The following TOM1 variants were observed in gnomAD, a reference collection of about 807,000 sequenced individuals.
TOM1 encodes the protein target of Myb protein 1.
TOM1 carries 38 observed loss-of-function variants against 61.3 expected under a neutral mutation model. The observed-to-expected ratio is 0.62, with a 90% CI of 0.48 to 0.81. TOM1 has a LOEUF of 0.81. Among genes scored for constraint, TOM1 ranks in the 40% least tolerant of loss-of-function variants. The probability of loss-of-function intolerance (pLI) is 0.00; values close to 1 mark genes in which losing one functional copy is unlikely to be tolerated. For missense variants in TOM1, 591 were observed against 659.6 expected (o/e 0.90, Z 1.14); for synonymous variants, 270 against 268.8 (o/e 1.00, Z -0.04).
At chr22:35,319,679 C>T (rs1028919550) in intron 2 of TOM1, among the ~76,000 whole-genome samples, 1 of 152,108 alleles carries the variant, frequency 6.6e-6, no homozygotes, top group Non-Finnish European at 1.5e-5. Flanking sequence ...CTAGGCCACC[C>T]TAGAAGAGGT....
rs12160421 is a variant in TOM1 at position 35,338,304 on chromosome 22, G to C, written c.1149-409G>C. On this transcript the variant is annotated intron_variant, in intron 11 of 14. Coordinates refer to ENST00000449058, the MANE Select transcript of TOM1 (RefSeq NM_005488.3). ...GTTTATAGATGTGTTTTCAGCAGCA[G>C]AATGGAATCCCCCATTCAAATACGA... is the stretch of plus-strand genomic sequence containing the variant. Among the ~76,000 whole-genome samples the C allele has an allele frequency of 3.5e-4, 54 of 152,320 alleles. 1 individual carries two copies. The highest frequency in any genetic ancestry group is 1.2e-3 in the African/African-American group (51 of 41,582).
rs1205672626 is a variant in TOM1 at position 35,323,850 on chromosome 22, C to T, written c.584C>T (p.Ala195Val). 1.9e-6 allele frequency: 3 copies of T among 1,611,516 alleles called. No individual in the cohort carries two copies. The African/African-American group carries it at 4.0e-5, about 22-fold the overall frequency. Reference sequence around the variant, plus strand: ...CAGCAAGAGGACTCTGGCCAGCATGCTGCCCCTCTGCCCGCCCCGCCCATA... The same window carrying T: ...CAGCAAGAGGACTCTGGCCAGCATGTTGCCCCTCTGCCCGCCCCGCCCATA... ...SSQQEDSGQH[A>V]APLPAPPILS... Residue 195 changes from alanine (A) to valine (V), a missense_variant, in exon 6 of 15, where the codon GCT becomes GTT. Transcript: ENST00000449058. This position sits in a 1 kb window ranked among gnomAD's most constrained non-coding sequence, Gnocchi z 4.2.
At chr22:35,322,702 T>C (rs1397184206) in intron 3 of TOM1, 2 of 272,612 alleles carry the variant, frequency 7.3e-6, no homozygotes, top group Non-Finnish European at 1.4e-5. Context: ...AGATGCTCCT[T>C]GATTTCCTCT....
chr22:35,322,136 C>A, intron 3 of TOM1, 99 bp downstream of exon 3: 1 of 1,082,036 alleles, frequency 9.2e-7, no homozygotes, highest in South Asian at 1.3e-5. Flanking sequence ...CTGAGCTCCT[C>A]ATTTGAGAGC....
intron 12 of TOM1, 117 bp from the exon 13 acceptor site, chr22:35,345,608 G>T: frequency 1.0e-6 from 1 of 1,003,698 alleles, no homozygotes; most frequent in Non-Finnish European, 1.6e-6. Context: ...CGGGCAGCTA[G>T]GCAGCTGAGG....
intron 6 of TOM1, among the ~76,000 whole-genome samples, chr22:35,326,045 C>T (rs1416891047): frequency 1.3e-5 from 2 of 152,098 alleles, no homozygotes; most frequent in African/African-American, 4.8e-5. Context: ...TACTACTAGT[C>T]TCTACACTCC....
intron 1 of TOM1, among the ~76,000 whole-genome samples, chr22:35,308,234 G>A (rs1182983392): frequency 6.8e-6 from 1 of 147,436 alleles, no homozygotes; most frequent in Non-Finnish European, 1.5e-5. Context: ...GTGTGTGTCT[G>A]TCTCTCTCTC....
chr22:35,320,269 A>T (rs544177161), intron 2 of TOM1, among the ~76,000 whole-genome samples: 2 of 152,158 alleles, frequency 1.3e-5, no homozygotes, highest in African/African-American at 4.8e-5. Context: ...CACCTCATGG[A>T]TGTGGAGGTC....
intron 1 of TOM1, among the ~76,000 whole-genome samples, chr22:35,305,617 G>A (rs1039506188): frequency 6.6e-6 from 1 of 150,914 alleles, no homozygotes; most frequent in South Asian, 2.1e-4. Context: ...CCAAGATCAC[G>A]CCGCTGCACT....
chr22:35,322,109 A>G, intron 3 of TOM1, 72 bp downstream of exon 3: 1 of 1,393,826 alleles, frequency 7.2e-7, no homozygotes, highest in Non-Finnish European at 1.0e-6. Context: ...CAGACCCAGC[A>G]GGACTCCCAG....
In TOM1 at chr22:35,323,784, A is replaced by T; in HGVS notation, c.518A>T (p.Glu173Val). ...TCCCACTAGACCGTGTTCAACTCAG[A>T]GACACAATCAGGACAGGATTCTGTG... ...HTPQRTVFNS[E>V]TQSGQDSVGT... Residue 173 changes from glutamate (E) to valine (V), a missense_variant, in exon 6 of 15, where the codon GAG becomes GTG. Transcript: ENST00000449058. This position sits in a 1 kb window ranked among gnomAD's most constrained non-coding sequence, Gnocchi z 4.2. The T allele has an allele frequency of 1.2e-6, 2 of 1,610,044 alleles. No homozygotes were observed. The highest frequency in any genetic ancestry group is 1.7e-6 in the Non-Finnish European group (2 of 1,177,454).
At chr22:35,317,988 G>A in intron 2 of TOM1, 27 bp downstream of exon 2, 1 of 1,585,994 alleles carries the variant, frequency 6.3e-7, no homozygotes, top group Non-Finnish European at 8.7e-7. Context: ...GAGAGGTTGG[G>A]GGCAGAGACG....
Position 35,341,302 on chromosome 22 carries a change from G to A in TOM1, c.1224+2514G>A, listed in dbSNP as rs547781610. The stretch of plus-strand genomic sequence containing the variant: ...CACACTACGGTATTACGGCACTTAC[G>A]CTTCGCAGTACCGCCATGTCCTCAT... On this transcript the variant is annotated intron_variant, in intron 12 of 14. Coordinates refer to ENST00000449058, the MANE Select transcript of TOM1 (RefSeq NM_005488.3). Among the ~76,000 whole-genome samples the A allele has an allele frequency of 2.4e-4, 36 of 152,294 alleles. No homozygotes were observed. The South Asian group carries it at 6.6e-3, about 28-fold the overall frequency.
In TOM1 at chr22:35,323,221, A is replaced by G; in HGVS notation, c.366+44A>G. 3 of 1,604,558 alleles carry G rather than the reference A, an allele frequency of 1.9e-6. No homozygotes were observed. The highest frequency in any genetic ancestry group is 1.1e-5 in the South Asian group (1 of 90,824). ...CAGGGCACGGCCAGGAAGAGCTGTC[A>G]GTGCAGGAGCTTCCTGCCCAGTGGA... On this transcript the variant is annotated intron_variant, in intron 4 of 14. Transcript: ENST00000449058. The surrounding 1 kb of genome is among the most constrained non-coding windows in gnomAD (Gnocchi z 4.2).
chr22:35,319,365 G>A, intron 2 of TOM1, among the ~76,000 whole-genome samples: 1 of 152,146 alleles, frequency 6.6e-6, no homozygotes, highest in Non-Finnish European at 1.5e-5. Context: ...TCAAAGGCAG[G>A]CATGACCCTT....
chr22:35,319,626 G>A (rs370515099), intron 2 of TOM1, among the ~76,000 whole-genome samples: 5 of 152,178 alleles, frequency 3.3e-5, no homozygotes, highest in African/African-American at 9.7e-5. Flanking sequence ...GGTCAGTGGC[G>A]CATGGCGGAA....
intron 7 of TOM1, among the ~76,000 whole-genome samples, chr22:35,329,688 C>T (rs924549872): frequency 1.3e-5 from 2 of 152,174 alleles, no homozygotes; most frequent in South Asian, 4.1e-4. Flanking sequence ...AGCATACCCC[C>T]AGAAGTTGTG....
At chr22:35,319,441 G>T (rs956354689) in intron 2 of TOM1, among the ~76,000 whole-genome samples, 2 of 152,178 alleles carry the variant, frequency 1.3e-5, no homozygotes, top group Non-Finnish European at 2.9e-5. Context: ...CTGGGTTGTG[G>T]CCTCCTTGTC....
At chr22:35,306,077 A>G (rs1731354767) in intron 1 of TOM1, among the ~76,000 whole-genome samples, 1 of 152,172 alleles carries the variant, frequency 6.6e-6, no homozygotes, top group Non-Finnish European at 1.5e-5. Context: ...AAATAAAAAT[A>G]TTTATGGGCA....
Sources: gnomAD v4.1 joint callset for allele counts (sites outside exome capture counted in the v4.1 genomes callset) on GRCh38, gnomAD v4.1.1 for gene constraint, Gnocchi (gnomAD v3.1) non-coding constraint, MANE v1.5 for transcripts, NCBI Gene and HGNC (gene_info 2026-07-23, HGNC 2026-07-21) for gene names.